Variants in NXPE2 observed in about 807,000 individuals in gnomAD.
The protein encoded by NXPE2 is neurexophilin and PC-esterase domain family member 2.
Under a neutral mutation model 34.4 loss-of-function variants are expected in NXPE2, and 34 were observed. The observed-to-expected ratio is 0.99, with a 90% CI of 0.75 to 1.31. NXPE2 has a LOEUF of 1.31. Among genes scored for constraint, NXPE2 ranks in the 40% most tolerant of loss-of-function variants. The pLI, the probability that NXPE2 is intolerant of heterozygous loss-of-function variation, is 0.00. For missense variants in NXPE2, 649 were observed against 672.5 expected, an observed-to-expected ratio of 0.97 and a Z score of 0.39; for synonymous variants, 235 against 231.3, an observed-to-expected ratio of 1.02 and a Z score of -0.15.
chr11:114,476,473 G>T, the NXPE2 span, among the ~76,000 whole-genome samples: 1 of 151,886 alleles, frequency 6.6e-6, no homozygotes, highest in Non-Finnish European at 1.5e-5. Flanking sequence ...AGTTGTATTT[G>T]TCCATTTTCA....
At chr11:114,746,021 A>G in the NXPE2 span, among the ~76,000 whole-genome samples, 1 of 152,156 alleles carries the variant, frequency 6.6e-6, no homozygotes, top group Non-Finnish European at 1.5e-5. Flanking sequence ...TATAAATTTT[A>G]TATATCTGTA....
chr11:114,553,855 T>A, the NXPE2 span: 1 of 950,428 alleles, frequency 1.1e-6, no homozygotes, highest in Admixed American at 6.2e-5. Flanking sequence ...ATCATCTTGG[T>A]AGCTTGAAAT....
At chr11:114,548,260 A>T in the NXPE2 span, among the ~76,000 whole-genome samples, 1 of 152,162 alleles carries the variant, frequency 6.6e-6, no homozygotes, top group Non-Finnish European at 1.5e-5. Context: ...TGACTTATTT[A>T]TAGCATGCCA....
the NXPE2 span, among the ~76,000 whole-genome samples, chr11:114,802,511 G>A: frequency 6.6e-6 from 1 of 152,280 alleles, no homozygotes; most frequent in South Asian, 2.1e-4. Flanking sequence ...CAGTTGATTG[G>A]CCCAGCCTGG....
the NXPE2 span, among the ~76,000 whole-genome samples, chr11:114,733,888 A>T: frequency 6.6e-6 from 1 of 152,164 alleles, no homozygotes; most frequent in Non-Finnish European, 1.5e-5. Flanking sequence ...CTGTTAACCC[A>T]GTCCCATGTG....
chr11:114,600,491 A>G, the NXPE2 span, among the ~76,000 whole-genome samples: 1 of 152,156 alleles, frequency 6.6e-6, no homozygotes, highest in Non-Finnish European at 1.5e-5. Context: ...TATTCTTGAA[A>G]GCAATGTATA....
At chr11:114,544,914 G>A in the NXPE2 span, among the ~76,000 whole-genome samples, 2 of 151,952 alleles carry the variant, frequency 1.3e-5, no homozygotes, top group Non-Finnish European at 2.9e-5. Flanking sequence ...GATCTGAATG[G>A]ACACCTCACC....
At chr11:114,561,764 T>A in the NXPE2 span, among the ~76,000 whole-genome samples, 2 of 152,210 alleles carry the variant, frequency 1.3e-5, no homozygotes, top group Admixed American at 1.3e-4. Context: ...GCAGATCTTT[T>A]TATCTTCATC....
At chr11:114,721,060 T>A in the NXPE2 span, among the ~76,000 whole-genome samples, 10 of 152,250 alleles carry the variant, frequency 6.6e-5, no homozygotes, top group East Asian at 1.7e-3. Flanking sequence ...CCCCTGCTCC[T>A]GCCCCCACAT....
chr11:114,506,700 A>G, the NXPE2 span, among the ~76,000 whole-genome samples: 1 of 152,212 alleles, frequency 6.6e-6, no homozygotes, highest in Non-Finnish European at 1.5e-5. Flanking sequence ...CAAAGATATC[A>G]CATACCAGAA....
chr11:114,760,860 C>T, the NXPE2 span, among the ~76,000 whole-genome samples: 1 of 152,202 alleles, frequency 6.6e-6, no homozygotes, highest in African/African-American at 2.4e-5. Flanking sequence ...CATCCCTCCT[C>T]TAATAGATCC....
At chr11:114,538,025 A>G in the NXPE2 span, among the ~76,000 whole-genome samples, 1 of 152,220 alleles carries the variant, frequency 6.6e-6, no homozygotes, top group Non-Finnish European at 1.5e-5. Flanking sequence ...CTGACTTCAA[A>G]CTATACTACA....
chr11:114,695,010 T>C (rs1009140707), intron 2 of NXPE2, among the ~76,000 whole-genome samples: 5 of 152,198 alleles, frequency 3.3e-5, no homozygotes, highest in African/African-American at 1.2e-4. Flanking sequence ...TAATTTTTAT[T>C]GAAATCTGGA....
Position 114,698,555 on chromosome 11 carries a change from A to G in NXPE2, c.643A>G (p.Ile215Val). The G allele has an allele frequency of 3.7e-6, 6 of 1,614,170 alleles. No individual in the cohort carries two copies. The highest frequency in any genetic ancestry group is 5.1e-6 in the Non-Finnish European group (6 of 1,180,004). The change falls in exon 3 of 6, where the codon ATC (isoleucine) becomes GTC (valine). Residue 215 changes from isoleucine to valine, a missense_variant. Transcript: ENST00000389586. ...AAGGAACCAAGGATGTGATAGGATC[A>G]TCTTCACTGGCCTGTTTGCCAACAG... ...RARNQGCDRI[I>V]FTGLFANRSS...
the NXPE2 span, among the ~76,000 whole-genome samples, chr11:114,614,299 G>C: frequency 2.7e-5 from 4 of 149,128 alleles, no homozygotes; most frequent in Non-Finnish European, 6.0e-5. Context: ...CCGGTGGATA[G>C]TAAGTATTGC....
the NXPE2 span, chr11:114,595,880 T>C: frequency 1.6e-4 from 24 of 152,456 alleles, no homozygotes; most frequent in East Asian, 2.4e-3. Context: ...TGAAGTGCTC[T>C]GCATAGTAGG....
chr11:114,635,905 A>G, the NXPE2 span, among the ~76,000 whole-genome samples: 5 of 152,174 alleles, frequency 3.3e-5, no homozygotes, highest in Admixed American at 6.6e-5. Context: ...ATGTTCATCA[A>G]GGATATTGGT....
At chr11:114,495,995 G>A in the NXPE2 span, among the ~76,000 whole-genome samples, 2 of 152,116 alleles carry the variant, frequency 1.3e-5, no homozygotes, top group East Asian at 3.9e-4. Flanking sequence ...GATGACACAA[G>A]CACTCTCCTG....
chr11:114,597,731 G>T, the NXPE2 span, among the ~76,000 whole-genome samples: 3 of 151,998 alleles, frequency 2.0e-5, no homozygotes, highest in African/African-American at 7.2e-5. Context: ...GCTAGGAAAT[G>T]CCTTTTAAAA....
Sources: allele counts gnomAD v4.1 joint callset (sites outside exome capture counted in the v4.1 genomes callset), GRCh38; gene constraint gnomAD v4.1.1; transcripts MANE v1.5; gene names NCBI Gene and HGNC (gene_info 2026-07-23, HGNC 2026-07-21).